The following CSRNP3 variants were observed in gnomAD, a reference collection of about 807,000 sequenced individuals.
CSRNP3 encodes cysteine and serine rich nuclear protein 3.
In CSRNP3, 12 loss-of-function variants were observed where a neutral mutation model predicts 48.0. The observed-to-expected ratio is 0.25, with a 90% CI of 0.16 to 0.41. The LOEUF is 0.41. Ranked by LOEUF, CSRNP3 falls within the 10% of genes least tolerant of loss-of-function variation. The pLI is 1.00. For missense variants in CSRNP3, 580 were observed against 724.4 expected (o/e 0.80, Z 2.29); for synonymous variants, 263 against 269.7 (o/e 0.98, Z 0.24).
intron 3 of CSRNP3, among the ~76,000 whole-genome samples, chr2:165,578,785 G>A (rs1309419045): frequency 6.6e-6 from 1 of 152,072 alleles, no homozygotes; most frequent in East Asian, 1.9e-4. Flanking sequence ...TATTATATGT[G>A]ATTTCAAGCT....
chr2:165,492,641 T>A (rs1684229880), intron 1 of CSRNP3, among the ~76,000 whole-genome samples: 1 of 150,972 alleles, frequency 6.6e-6, no homozygotes, highest in African/African-American at 2.4e-5. Flanking sequence ...CCATATGATG[T>A]TTATATATTT....
rs72879784 is a variant in CSRNP3, at chr2:165,650,116, G to A, written c.149-7645G>A. ...TTCATTTTGCTTCTCATTCACCCAC[G>A]ATACTTCTTTAGTATAAGTCTTTTG... On this transcript the variant is annotated intron_variant, in intron 4 of 6. Transcript: ENST00000651982. Among the ~76,000 whole-genome samples, 1,218 of 152,184 alleles carry A rather than the reference G, an allele frequency of 8.0e-3. 11 individuals are homozygous for A. Among genetic ancestry groups the A allele is most frequent in the Middle Eastern group, 0.041 (12 of 294 alleles).
chr2:165,632,404 G>A (rs557700187), intron 4 of CSRNP3, among the ~76,000 whole-genome samples: 3 of 152,230 alleles, frequency 2.0e-5, no homozygotes, highest in Non-Finnish European at 2.9e-5. Flanking sequence ...ATCTACTTGA[G>A]AGGCTGAGAT....
chr2:165,621,083 A>T (rs559752342), intron 4 of CSRNP3, among the ~76,000 whole-genome samples: 130 of 152,242 alleles, frequency 8.5e-4, no homozygotes, highest in African/African-American at 2.6e-3. Flanking sequence ...ATTATGAAAG[A>T]ACATAAATAT....
intron 2 of CSRNP3, among the ~76,000 whole-genome samples, chr2:165,514,662 C>T (rs544184405): frequency 6.6e-6 from 1 of 152,336 alleles, no homozygotes; most frequent in Admixed American, 6.5e-5. Flanking sequence ...GCACCAGATC[C>T]CCAATACTTG....
chr2:165,673,343 G>A (rs1167286693), intron 5 of CSRNP3, among the ~76,000 whole-genome samples: 1 of 151,714 alleles, frequency 6.6e-6, no homozygotes, highest in Non-Finnish European at 1.5e-5. Context: ...TTGCCATGTT[G>A]CCCAGGCTGG....
chr2:165,625,333 TA>T (rs112058351), intron 4 of CSRNP3, among the ~76,000 whole-genome samples: 9 of 147,514 alleles, frequency 6.1e-5, no homozygotes, highest in Admixed American at 3.4e-4. Flanking sequence ...AAGTGCTCTT[TA>T]AAAAAAAAAG....
intron 3 of CSRNP3, among the ~76,000 whole-genome samples, chr2:165,579,600 A>T (rs992635309): frequency 5.3e-5 from 8 of 152,130 alleles, no homozygotes; most frequent in African/African-American, 1.9e-4. Context: ...GTGTCCAAGA[A>T]ATGTTTGCTG....
At chr2:165,628,243 A>G (rs1558955410) in intron 4 of CSRNP3, among the ~76,000 whole-genome samples, 1 of 151,856 alleles carries the variant, frequency 6.6e-6, no homozygotes, top group African/African-American at 2.4e-5. Flanking sequence ...CCCTACTACA[A>G]ACATACTCTT....
intron 4 of CSRNP3, among the ~76,000 whole-genome samples, chr2:165,636,783 A>G (rs574066483): frequency 6.6e-6 from 1 of 152,188 alleles, no homozygotes; most frequent in African/African-American, 2.4e-5. Context: ...TGCTACTACA[A>G]TTTTATTATT....
intron 3 of CSRNP3, among the ~76,000 whole-genome samples, chr2:165,557,061 G>T (rs1372174977): frequency 6.6e-6 from 1 of 152,136 alleles, no homozygotes; most frequent in East Asian, 1.9e-4. Flanking sequence ...ATCTTGTATA[G>T]CAAGGGTCAG....
rs912034329 is a variant in CSRNP3, at chr2:165,685,329, G to T, written c.*5576G>T. 6.6e-6 allele frequency: 1 copy of T among 151,814 alleles called. No individual in the cohort carries two copies. The highest frequency in any genetic ancestry group is 1.5e-5 in the Non-Finnish European group (1 of 67,924). The allele number at this position is 151,814 out of a possible 1,614,324, so 9.4% of individuals were successfully genotyped here. On this transcript the variant is annotated 3_prime_UTR_variant, in exon 7 of 7. Transcript: ENST00000651982. ...TGTTTTGTTTTATTCTTTTTTTCCA[G>T]AAATTCAAGCTGAAACATTTGATAT... is the stretch of plus-strand genomic sequence containing the variant.
chr2:165,637,174 G>A (rs1322914671), intron 4 of CSRNP3, among the ~76,000 whole-genome samples: 1 of 152,166 alleles, frequency 6.6e-6, no homozygotes, highest in East Asian at 1.9e-4. Flanking sequence ...AAAATAGCTT[G>A]AAATTAAAGG....
chr2:165,496,191 A>C (rs1363448567), intron 2 of CSRNP3, among the ~76,000 whole-genome samples: 2 of 152,062 alleles, frequency 1.3e-5, no homozygotes, highest in African/African-American at 4.8e-5. Context: ...ACTTTTAGAA[A>C]GTATTAAAAA....
chr2:165,611,865 TTC>T (rs1260245471), intron 4 of CSRNP3, among the ~76,000 whole-genome samples: 2 of 152,138 alleles, frequency 1.3e-5, no homozygotes, highest in Admixed American at 6.5e-5. Context: ...TTATATATAA[TTC>T]TTAATCTAAC....
intron 3 of CSRNP3, among the ~76,000 whole-genome samples, chr2:165,522,437 G>C (rs919343619): frequency 6.6e-5 from 10 of 151,992 alleles, no homozygotes; most frequent in Non-Finnish European, 1.5e-4. Flanking sequence ...ACTCGGCCTT[G>C]TATCTAAAAC....
At chr2:165,642,339 A>G (rs191847799) in intron 4 of CSRNP3, among the ~76,000 whole-genome samples, 5 of 152,334 alleles carry the variant, frequency 3.3e-5, no homozygotes, top group Admixed American at 6.5e-5. Flanking sequence ...TCACAGGAAT[A>G]AAAACACTTC....
At position 165,676,396 on chromosome 2, in the gene CSRNP3, A is replaced by G; in HGVS notation, c.493A>G (p.Asn165Asp). 2.5e-6 allele frequency: 4 copies of G among 1,614,096 alleles called. No homozygotes were observed. Among genetic ancestry groups the G allele is most frequent in the Non-Finnish European group, 3.4e-6 (4 of 1,179,928 alleles). Reference sequence around the variant, plus strand: ...TTCTGATGATGACATTGACCTGGACAACACAGAGGTAGATGAGTACTTCTT... The same window carrying G: ...TTCTGATGATGACATTGACCTGGACGACACAGAGGTAGATGAGTACTTCTT... ...DISDDDIDLDNTEVDEYFFLQ... is the reference protein window; with the variant it reads ...DISDDDIDLDDTEVDEYFFLQ... The change falls in exon 6 of 7, where the codon AAC becomes GAC. Residue 165 changes from asparagine (N) to aspartate (D), a missense_variant. By Grantham distance (23) the Asn-to-Asp change is conservative. Coordinates refer to ENST00000651982, the MANE Select transcript of CSRNP3 (RefSeq NM_001172173.2).
At chr2:165,677,795 G>A (rs182328961) in intron 6 of CSRNP3, among the ~76,000 whole-genome samples, 1 of 151,934 alleles carries the variant, frequency 6.6e-6, no homozygotes, top group African/African-American at 2.4e-5. Flanking sequence ...TGAGACAATT[G>A]GTAAATCTCT....
Sources: gnomAD v4.1 joint callset for allele counts (sites outside exome capture counted in the v4.1 genomes callset) on GRCh38, gnomAD v4.1.1 for gene constraint, MANE v1.5 for transcripts, NCBI Gene and HGNC (gene_info 2026-07-23, HGNC 2026-07-21) for gene names.